The following FARP1 variants were observed in gnomAD, a reference collection of about 807,000 sequenced individuals.
FARP1 encodes the protein FERM, ARH/RhoGEF and pleckstrin domain protein 1, also known as FERM, ARHGEF and pleckstrin domain-containing protein 1.
FARP1 carries 52 observed loss-of-function variants against 128.8 expected under a neutral mutation model. The observed-to-expected ratio is 0.40, with a 90% CI of 0.32 to 0.51. The LOEUF (loss-of-function observed/expected upper bound fraction) is 0.51, where lower values mean the gene tolerates loss of function less well. FARP1 is among the 20% of genes least tolerant of loss of function. The pLI is 0.45. For synonymous variants in FARP1, 580 were observed against 551.8 expected (o/e 1.05, Z -0.72); for missense variants, 1,333 against 1,367.9 (o/e 0.97, Z 0.40).
chr13:98,284,907 A>G (rs927713909), intron 2 of FARP1, among the ~76,000 whole-genome samples: 9 of 152,090 alleles, frequency 5.9e-5, no homozygotes, highest in African/African-American at 1.9e-4. Context: ...CGCATTTCCT[A>G]TTAGACAGAT....
At chr13:98,404,068 CGTG>C (rs1890888460) in intron 13 of FARP1, 1 of 154,174 alleles carries the variant, frequency 6.5e-6, no homozygotes, top group South Asian at 1.8e-4. Flanking sequence ...TCACCACCAC[CGTG>C]TTCAAACAAA....
intron 1 of FARP1, among the ~76,000 whole-genome samples, chr13:98,194,368 C>G (rs6491402): frequency 6.6e-6 from 1 of 152,032 alleles, no homozygotes; most frequent in African/African-American, 2.4e-5. Context: ...CCACCCGCCT[C>G]GGCCTCCCAA....
rs374272971 is a variant in FARP1 at position 98,453,223 on chromosome 13, G to C, written c.*4906G>C. ...CTTAGAGAGTATCTAGGGAAAAAGA[G>C]AGAGAGAGAAGTCAACACATGTCAT... On this transcript the variant is annotated 3_prime_UTR_variant, in exon 27 of 27. Transcript: ENST00000319562. 35 of 1,611,314 alleles carry C rather than the reference G, an allele frequency of 2.2e-5. No individual in the cohort carries two copies. The highest frequency in any genetic ancestry group is 2.6e-5 in the Non-Finnish European group (31 of 1,178,890).
At chr13:98,227,258 A>C (rs566048603) in intron 2 of FARP1, among the ~76,000 whole-genome samples, 1 of 152,118 alleles carries the variant, frequency 6.6e-6, no homozygotes, top group Non-Finnish European at 1.5e-5. Flanking sequence ...TTGCATTTCT[A>C]ACGTTCATGT....
Position 98,255,016 on chromosome 13 carries a change from G to A in FARP1, c.171+41603G>A, listed in dbSNP as rs189966503. ...TTTTTTACTTGTAGGAGCAATTTGTGAAACAATGAACTTCCATAACCTGAG... is the reference window on the plus strand; with the variant it reads ...TTTTTTACTTGTAGGAGCAATTTGTAAAACAATGAACTTCCATAACCTGAG... On this transcript the variant is annotated intron_variant, in intron 2 of 26. Coordinates refer to ENST00000319562, the MANE Select transcript of FARP1 (RefSeq NM_005766.4). Among the ~76,000 whole-genome samples, 470 of 151,878 alleles carry A rather than the reference G, an allele frequency of 3.1e-3. 4 individuals are homozygous for A. The highest frequency in any genetic ancestry group is 0.011 in the African/African-American group (451 of 41,410).
At chr13:98,382,057 T>C (rs1889904929) in intron 6 of FARP1, among the ~76,000 whole-genome samples, 1 of 144,518 alleles carries the variant, frequency 6.9e-6, no homozygotes, top group African/African-American at 2.9e-5. Flanking sequence ...AGCCTGTCTC[T>C]ACTCAAAATA....
In FARP1 at chr13:98,145,905, A is replaced by T. The variant is rs185203853; in HGVS notation, c.-24+2413A>T. ...GAGAAAAAAGGAACTGCCCAAGGAA[A>T]TTGTTTTGTTTTGTTTTTTGGTTAA... On this transcript the variant is annotated intron_variant, in intron 1 of 26. Transcript: ENST00000319562. Among the ~76,000 whole-genome samples, 195 of 151,074 alleles carry T rather than the reference A, an allele frequency of 1.3e-3. 4 individuals carry two copies. In the East Asian group the frequency reaches 0.034, roughly 27 times the overall value.
chr13:98,281,819 A>C (rs150036514), intron 2 of FARP1, among the ~76,000 whole-genome samples: 162 of 152,316 alleles, frequency 1.1e-3, no homozygotes, highest in African/African-American at 3.7e-3. Context: ...TAAGTTACCC[A>C]GCTAATTTTC....
chr13:98,272,042 C>CT (rs1322823756), intron 2 of FARP1, among the ~76,000 whole-genome samples: 2 of 150,762 alleles, frequency 1.3e-5, no homozygotes, highest in Non-Finnish European at 3.0e-5. Context: ...TTTTCTTTTT[C>CT]TTTTTGAGGT....
At chr13:98,255,922 C>T (rs1883565896) in intron 2 of FARP1, among the ~76,000 whole-genome samples, 1 of 152,172 alleles carries the variant, frequency 6.6e-6, no homozygotes, top group African/African-American at 2.4e-5. Context: ...GCGCAGTCAG[C>T]CTCCCTTCCC....
chr13:98,348,821 C>T (rs1018437219), intron 3 of FARP1, among the ~76,000 whole-genome samples: 10 of 152,238 alleles, frequency 6.6e-5, no homozygotes, highest in Non-Finnish European at 1.0e-4. Flanking sequence ...GTAGCCTGGC[C>T]GTATTTGGCC....
At chr13:98,229,797 A>G (rs528486337) in intron 2 of FARP1, among the ~76,000 whole-genome samples, 9 of 152,074 alleles carry the variant, frequency 5.9e-5, no homozygotes, top group African/African-American at 2.2e-4. Context: ...AATAAAAACT[A>G]CAAAGGTCAT....
chr13:98,224,492 A>G (rs939803937), intron 2 of FARP1, among the ~76,000 whole-genome samples: 2 of 138,860 alleles, frequency 1.4e-5, no homozygotes, highest in East Asian at 2.2e-4. Flanking sequence ...GTGCCACTGC[A>G]CTCCAGCCTG....
intron 2 of FARP1, among the ~76,000 whole-genome samples, chr13:98,253,459 C>G (rs1883441831): frequency 6.6e-6 from 1 of 152,136 alleles, no homozygotes; most frequent in South Asian, 2.1e-4. Context: ...AGATCAAAGA[C>G]TTTGATGTGA....
chr13:98,357,114 A>G (rs1426107575), intron 3 of FARP1, among the ~76,000 whole-genome samples: 1 of 152,040 alleles, frequency 6.6e-6, no homozygotes, highest in African/African-American at 2.4e-5. Flanking sequence ...GGCAGCATAT[A>G]CTTGCTTTTT....
chr13:98,378,318 C>T (rs1203723307), intron 6 of FARP1, among the ~76,000 whole-genome samples: 2 of 152,196 alleles, frequency 1.3e-5, no homozygotes, highest in Non-Finnish European at 2.9e-5. Flanking sequence ...TCACTTCTCT[C>T]TAGAGATTTT....
At chr13:98,423,373 T>C (rs568825303) in intron 16 of FARP1, among the ~76,000 whole-genome samples, 1 of 152,338 alleles carries the variant, frequency 6.6e-6, no homozygotes, top group African/African-American at 2.4e-5. Flanking sequence ...TTTTCCACTT[T>C]GAAGATCTCT....
At position 98,244,401 on chromosome 13, in the gene FARP1, G is replaced by C. The variant is rs756697979; in HGVS notation, c.171+30988G>C. On this transcript the variant is annotated intron_variant, in intron 2 of 26. Coordinates refer to ENST00000319562, the MANE Select transcript of FARP1 (RefSeq NM_005766.4). ...ACATATCCATCACTTCCAAAACTTTGCTGTGTCTCTTTATTGTTACTGTTT... is the reference window on the plus strand; with the variant it reads ...ACATATCCATCACTTCCAAAACTTTCCTGTGTCTCTTTATTGTTACTGTTT... The C allele has an allele frequency of 6.3e-5, 74 of 1,175,960 alleles. 1 individual carries two copies. The highest frequency in any genetic ancestry group is 8.2e-5 in the Non-Finnish European group (69 of 836,944). The allele number at this position is 1,175,960 out of a possible 1,614,324, so 72.8% of individuals were successfully genotyped here. A position where few individuals can be genotyped will look rare whatever the true frequency, so the allele number is the denominator to read the frequency against.
At chr13:98,237,550 C>T (rs909439982) in intron 2 of FARP1, among the ~76,000 whole-genome samples, 3 of 152,172 alleles carry the variant, frequency 2.0e-5, no homozygotes, top group Middle Eastern at 3.2e-3. Context: ...CCGTCATGAG[C>T]GGTTCATCTC....
Sources: allele counts gnomAD v4.1 joint callset (sites outside exome capture counted in the v4.1 genomes callset), GRCh38; gene constraint gnomAD v4.1.1; transcripts MANE v1.5; gene names NCBI Gene and HGNC (gene_info 2026-07-23, HGNC 2026-07-21).